The following NFAM1 variants were observed in gnomAD, a reference collection of about 807,000 sequenced individuals.
The protein encoded by NFAM1 is NFAT activation molecule 1.
NFAM1 carries 17 observed loss-of-function variants against 29.0 expected under a neutral mutation model. The observed-to-expected ratio is 0.59, with a 90% CI of 0.40 to 0.88. NFAM1 has a LOEUF of 0.88. Ranked by LOEUF, NFAM1 falls within the 40% of genes least tolerant of loss-of-function variation. The pLI is 0.00. For missense variants in NFAM1, 324 were observed against 344.6 expected, an observed-to-expected ratio of 0.94 and a Z score of 0.47; for synonymous variants, 175 against 147.2, an observed-to-expected ratio of 1.19 and a Z score of -1.36.
rs868118719 is a variant in NFAM1 at position 42,425,920 on chromosome 22, G to A, written c.121+6317C>T. 3.9e-5 allele frequency among the ~76,000 whole-genome samples: 6 copies of A among 152,284 alleles called. No homozygotes were observed. The Middle Eastern group carries it at 0.01, about 261-fold the overall frequency. On this transcript the variant is annotated intron_variant, in intron 1 of 5. Coordinates refer to ENST00000329021, the MANE Select transcript of NFAM1 (RefSeq NM_145912.8). The stretch of plus-strand genomic sequence containing the variant: ...AGATGAACACCTTGGGGGAGAGGGA[G>A]GGGAACTGGGTTTGTTCAGGGTGGG...
chr22:42,431,960 GT>G (rs1296282610), intron 1 of NFAM1, among the ~76,000 whole-genome samples: 4 of 152,118 alleles, frequency 2.6e-5, no homozygotes, highest in Admixed American at 2.0e-4. Context: ...CACCCTCCTT[GT>G]TTAAGGGCCA....
chr22:42,427,984 G>A (rs181888465), intron 1 of NFAM1, among the ~76,000 whole-genome samples: 66 of 152,292 alleles, frequency 4.3e-4, no homozygotes, highest in African/African-American at 1.6e-3. Context: ...AGTCACACAG[G>A]ACTTTGTTTT....
At position 42,419,909 on chromosome 22, in the gene NFAM1, A is replaced by G; in HGVS notation, c.122-8173T>C. Among the ~76,000 whole-genome samples the G allele has an allele frequency of 6.6e-6, 1 of 150,698 alleles. No individual in the cohort carries two copies. The highest frequency in any genetic ancestry group is 2.1e-4 in the South Asian group (1 of 4,734). ...CAGATGACAAAACTGAGGCTCAGAG[A>G]AGGCAAGAGGTTTGCCCAAATTGCA... On this transcript the variant is annotated intron_variant, in intron 1 of 5. Transcript: ENST00000329021. The surrounding 1 kb of genome is among the most constrained non-coding windows in gnomAD (Gnocchi z 4.5).
intron 3 of NFAM1, among the ~76,000 whole-genome samples, chr22:42,399,280 C>G (rs1929640737): frequency 6.6e-6 from 1 of 151,778 alleles, no homozygotes; most frequent in Non-Finnish European, 1.5e-5. Context: ...CACCCCATCT[C>G]TACTAAAAAT....
intron 1 of NFAM1, among the ~76,000 whole-genome samples, chr22:42,423,770 G>A (rs1340487195): frequency 6.6e-6 from 1 of 151,046 alleles, no homozygotes; most frequent in Non-Finnish European, 1.5e-5. Context: ...GCCCAGGCTG[G>A]AGTGCAGTGG....
chr22:42,427,517 C>G lies in NFAM1; in HGVS notation c.121+4720G>C, dbSNP rs185384987. On this transcript the variant is annotated intron_variant, in intron 1 of 5. Coordinates refer to ENST00000329021, the MANE Select transcript of NFAM1 (RefSeq NM_145912.8). ...CGTGCTGGGAGTCAAGGATTAGAAG[C>G]CACATGAGTCCGCACAGTACCTTTT... Among the ~76,000 whole-genome samples the G allele has an allele frequency of 4.8e-3, 734 of 152,312 alleles. 6 individuals are homozygous for G. Among genetic ancestry groups the G allele is most frequent in the Admixed American group, 7.7e-3 (118 of 15,302 alleles).
rs910204304 is a variant in NFAM1, at chr22:42,384,922, G to T, written c.*239C>A. On this transcript the variant is annotated 3_prime_UTR_variant, in exon 6 of 6. Transcript: ENST00000329021. ...TTGCTGGTTGGGCCAAGGGAGGAAG[G>T]GCCTGCCTGGCAGAAGGAACAGCCT... 2 of 616,166 alleles carry T rather than the reference G, an allele frequency of 3.2e-6. No individual in the cohort carries two copies. Among genetic ancestry groups the T allele is most frequent in the African/African-American group, 3.7e-5 (2 of 54,594 alleles). The allele number at this position is 616,166 out of a possible 1,614,324, so 38.2% of individuals were successfully genotyped here.
chr22:42,424,203 CAGG>C (rs1159626699), intron 1 of NFAM1, among the ~76,000 whole-genome samples: 2 of 152,136 alleles, frequency 1.3e-5, no homozygotes, highest in Non-Finnish European at 2.9e-5. Context: ...ATCACAACGT[CAGG>C]AGATTGAGAC....
intron 4 of NFAM1, among the ~76,000 whole-genome samples, chr22:42,395,830 C>T (rs982044003): frequency 1.4e-5 from 2 of 147,184 alleles, no homozygotes; most frequent in African/African-American, 5.0e-5. Flanking sequence ...TTGCAGTGAG[C>T]CAAGATCGTG....
chr22:42,385,235 A>G lies in NFAM1; in HGVS notation c.754-15T>C, dbSNP rs750382001. Reference sequence around the variant, plus strand: ...TGCGGTCTCTCCTGGATAGAAAAGAAGAAAGGGAGGGAAGGAGAGAAAGAG... The same window carrying G: ...TGCGGTCTCTCCTGGATAGAAAAGAGGAAAGGGAGGGAAGGAGAGAAAGAG... On this transcript the variant is annotated splice_polypyrimidine_tract_variant and intron_variant, in intron 5 of 5. Coordinates refer to ENST00000329021, the MANE Select transcript of NFAM1 (RefSeq NM_145912.8). 6.4e-7 allele frequency: 1 copy of G among 1,569,616 alleles called. No individual in the cohort carries two copies. Among genetic ancestry groups the G allele is most frequent in the Non-Finnish European group, 8.8e-7 (1 of 1,139,370 alleles).
Position 42,383,603 on chromosome 22 carries a change from T to C in NFAM1, c.*1558A>G, listed in dbSNP as rs1017056638. 2.8e-4 allele frequency: 43 copies of C among 152,700 alleles called. No individual in the cohort carries two copies. Among genetic ancestry groups the C allele is most frequent in the Non-Finnish European group, 7.3e-5 (5 of 68,074 alleles). The allele number at this position is 152,700 out of a possible 1,614,324, so 9.5% of individuals were successfully genotyped here. On this transcript the variant is annotated 3_prime_UTR_variant, in exon 6 of 6. Transcript: ENST00000329021. ...CACCCTAGCAGGGCCAAGGGACTTC[T>C]TCTGGACGTCAGTCTGTGCCCAGCC... is the stretch of plus-strand genomic sequence containing the variant.
chr22:42,434,343 C>G (rs1930890224), upstream of NFAM1, among the ~76,000 whole-genome samples: 1 of 152,118 alleles, frequency 6.6e-6, no homozygotes, highest in Admixed American at 6.5e-5. Context: ...GCACAAGAGG[C>G]CTCAAGGGAA....
intron 1 of NFAM1, among the ~76,000 whole-genome samples, chr22:42,421,046 C>T (rs2146549430): frequency 1.3e-5 from 2 of 152,302 alleles, no homozygotes; most frequent in Middle Eastern, 6.8e-3. Context: ...CAGGCTGGCC[C>T]TGTGACAAAG....
At chr22:42,416,762 G>A (rs559183240) in intron 1 of NFAM1, among the ~76,000 whole-genome samples, 11 of 152,330 alleles carry the variant, frequency 7.2e-5, no homozygotes, top group Non-Finnish European at 1.6e-4. Flanking sequence ...TCTATCTCAT[G>A]CCAGGGCGTG....
chr22:42,435,348 CT>C (rs10715028), upstream of NFAM1, among the ~76,000 whole-genome samples: 61,169 of 135,074 alleles, frequency 0.45, 14,591 homozygotes, highest in African/African-American at 0.71. Context: ...TCTTTTCTTT[CT>C]TTTTTTTTTT....
chr22:42,426,132 C>G (rs1457382396), intron 1 of NFAM1, among the ~76,000 whole-genome samples: 1 of 152,178 alleles, frequency 6.6e-6, no homozygotes, highest in African/African-American at 2.4e-5. Context: ...TGCCTCCGGC[C>G]AACCTCAAAG....
At chr22:42,395,174 A>G (rs1030378114) in intron 4 of NFAM1, among the ~76,000 whole-genome samples, 1 of 127,950 alleles carries the variant, frequency 7.8e-6, no homozygotes, top group South Asian at 2.2e-4. Context: ...ACCCTGTCTC[A>G]AAAAAAAAAA....
intron 1 of NFAM1, among the ~76,000 whole-genome samples, chr22:42,414,142 C>T (rs565199424): frequency 3.9e-5 from 6 of 152,314 alleles, no homozygotes; most frequent in East Asian, 3.9e-4. Flanking sequence ...GGAATCGACT[C>T]ACATGTCGGC....
chr22:42,395,548 AACTT>A (rs1374478659), intron 4 of NFAM1, among the ~76,000 whole-genome samples: 1 of 151,560 alleles, frequency 6.6e-6, no homozygotes, highest in Non-Finnish European at 1.5e-5. Flanking sequence ...GAAAAAGTAA[AACTT>A]GCATTATTCA....
Sources: allele counts gnomAD v4.1 joint callset (sites outside exome capture counted in the v4.1 genomes callset), GRCh38; gene constraint gnomAD v4.1.1; non-coding constraint Gnocchi (gnomAD v3.1); transcripts MANE v1.5; gene names NCBI Gene and HGNC (gene_info 2026-07-23, HGNC 2026-07-21).